Variants in SRRM3 observed in about 807,000 individuals in gnomAD.
SRRM3 encodes the protein serine/arginine repetitive matrix 3.
In SRRM3, 27 loss-of-function variants were observed where a neutral mutation model predicts 66.2. That is an observed-to-expected ratio of 0.41 (90% CI 0.30 to 0.56). The LOEUF (loss-of-function observed/expected upper bound fraction) is 0.56. Among genes scored for constraint, SRRM3 ranks in the 20% least tolerant of loss-of-function variants. The pLI is 0.32. For missense variants in SRRM3, 918 were observed against 991.9 expected (o/e 0.93, Z 1.00); for synonymous variants, 391 against 414.9 (o/e 0.94, Z 0.70).
chr7:76,237,749 A>T (rs571243755), intron 2 of SRRM3, among the ~76,000 whole-genome samples: 1 of 152,068 alleles, frequency 6.6e-6, no homozygotes, highest in South Asian at 2.1e-4. Flanking sequence ...CTCCTTGATG[A>T]ACCCATCCCC....
intron 2 of SRRM3, among the ~76,000 whole-genome samples, chr7:76,239,531 C>A (rs1554605350): frequency 6.6e-6 from 1 of 151,814 alleles, no homozygotes; most frequent in Non-Finnish European, 1.5e-5. Context: ...TGCCAATCCA[C>A]CTACAAAAAA....
intron 11 of SRRM3, among the ~76,000 whole-genome samples, chr7:76,271,523 A>T (rs1362861182): frequency 6.6e-6 from 1 of 152,052 alleles, no homozygotes; most frequent in Non-Finnish European, 1.5e-5. Flanking sequence ...ATACACCTGT[A>T]ATCCCAGCTA....
chr7:76,243,905 G>A (rs969260817), intron 2 of SRRM3, among the ~76,000 whole-genome samples: 1 of 152,186 alleles, frequency 6.6e-6, no homozygotes, highest in Non-Finnish European at 1.5e-5. Context: ...TGCTGGGGGG[G>A]TGGGGCACCA....
intron 1 of SRRM3, among the ~76,000 whole-genome samples, chr7:76,213,314 C>T (rs941062066): frequency 2.0e-5 from 3 of 152,048 alleles, no homozygotes; most frequent in African/African-American, 7.2e-5. Context: ...CCCGGCTTTA[C>T]ACCCCATTCA....
chr7:76,205,994 A>G lies in SRRM3; in HGVS notation c.-40+3927A>G, dbSNP rs116770401. Among the ~76,000 whole-genome samples, 1,271 of 152,186 alleles carry G rather than the reference A, an allele frequency of 8.4e-3. 25 individuals carry two copies. Among genetic ancestry groups the G allele is most frequent in the African/African-American group, 0.029 (1,194 of 41,538 alleles). ...ACAGGGCCTTCGTGGGTGGGGGGTC[A>G]TCTGGTCAAAACCCATTTTTTAAAT... On this transcript the variant is annotated intron_variant, in intron 1 of 14. Coordinates refer to ENST00000611745, the MANE Select transcript of SRRM3 (RefSeq NM_001110199.3).
At chr7:76,217,477 G>C (rs995928655) in intron 1 of SRRM3, among the ~76,000 whole-genome samples, 1 of 152,130 alleles carries the variant, frequency 6.6e-6, no homozygotes, top group Admixed American at 6.6e-5. Context: ...TAGAGACTGA[G>C]TTTCCCCATA....
intron 3 of SRRM3, 116 bp downstream of exon 3, chr7:76,248,405 G>A: frequency 1.5e-6 from 1 of 687,062 alleles, no homozygotes. Context: ...GTGAGGGGGT[G>A]GAGAGGAAGA....
In SRRM3 at chr7:76,282,626, C is replaced by A. The variant is rs1554612115; in HGVS notation, c.1371-22C>A. ...CCTTTCCGGGTCGCTGAGCCCTATC[C>A]CGCGCCGTCTCCCTCCTCCAGGGCC... On this transcript the variant is annotated intron_variant, in intron 12 of 14. Transcript: ENST00000611745. The A allele has an allele frequency of 3.6e-6, 5 of 1,396,182 alleles. No individual in the cohort carries two copies. In the Admixed American group the frequency reaches 8.7e-5, roughly 24 times the overall value. The allele number at this position is 1,396,182 out of a possible 1,614,324, so 86.5% of individuals were successfully genotyped here. A position where few individuals can be genotyped will look rare whatever the true frequency, so the allele number is the denominator to read the frequency against.
chr7:76,207,393 T>G (rs1230614614), intron 1 of SRRM3, among the ~76,000 whole-genome samples: 3 of 151,950 alleles, frequency 2.0e-5, no homozygotes, highest in Non-Finnish European at 4.4e-5. Context: ...AAGGAGAAAA[T>G]AGAAACTATC....
At chr7:76,247,192 C>T (rs139153228) in intron 2 of SRRM3, among the ~76,000 whole-genome samples, 2 of 152,152 alleles carry the variant, frequency 1.3e-5, no homozygotes, top group Non-Finnish European at 2.9e-5. Context: ...AGTAGATAAC[C>T]GGACTTTGGT....
intron 1 of SRRM3, among the ~76,000 whole-genome samples, chr7:76,229,158 A>T (rs782357322): frequency 2.0e-5 from 3 of 152,080 alleles, no homozygotes; most frequent in Non-Finnish European, 4.4e-5. Flanking sequence ...TTGTCCTCCC[A>T]AAATGCTGAG....
At chr7:76,256,198 G>A (rs910606749) in intron 3 of SRRM3, among the ~76,000 whole-genome samples, 1 of 152,100 alleles carries the variant, frequency 6.6e-6, no homozygotes, top group Non-Finnish European at 1.5e-5. Context: ...TATTAAGAGA[G>A]TAAAGGAACG....
At chr7:76,229,605 G>A (rs557345794) in intron 1 of SRRM3, among the ~76,000 whole-genome samples, 1 of 152,076 alleles carries the variant, frequency 6.6e-6, no homozygotes, top group Non-Finnish European at 1.5e-5. Flanking sequence ...TTGAGTCTGT[G>A]ATCATTGAAA....
intron 3 of SRRM3, among the ~76,000 whole-genome samples, chr7:76,259,534 A>C (rs10952876): frequency 0.11 from 16,649 of 150,964 alleles, 1,044 homozygotes; most frequent in Middle Eastern, 0.29. Context: ...CTATGATCCC[A>C]CCGCTGCAAC....
Position 76,235,019 on chromosome 7 carries a change from G to C in SRRM3, c.-39-9G>C. 1 of 1,475,732 alleles carries C rather than the reference G, an allele frequency of 6.8e-7. No homozygotes were observed. The highest frequency in any genetic ancestry group is 9.0e-7 in the Non-Finnish European group (1 of 1,106,128). 91.4% of individuals were successfully genotyped at this position (1,475,732 alleles called of 1,614,324 possible). ...ACCATCCCGCCTCGTGTCTGTGTCT[G>C]TCCCTCAGGGCCAGCGGCCCAGGCC... On this transcript the variant is annotated splice_polypyrimidine_tract_variant and intron_variant, in intron 1 of 14. Coordinates refer to ENST00000611745, the MANE Select transcript of SRRM3 (RefSeq NM_001110199.3).
chr7:76,278,137 G>C (rs1036676825), intron 11 of SRRM3, among the ~76,000 whole-genome samples: 1 of 152,268 alleles, frequency 6.6e-6, no homozygotes, highest in Non-Finnish European at 1.5e-5. Context: ...AGTGGGGGGA[G>C]TATGTGTTAG....
intron 10 of SRRM3, among the ~76,000 whole-genome samples, chr7:76,266,938 G>T (rs1447528392): frequency 6.6e-6 from 1 of 151,974 alleles, no homozygotes; most frequent in Admixed American, 6.6e-5. Context: ...CTCCCAAAGT[G>T]CTGGGATTAC....
At chr7:76,228,549 C>A (rs1166306311) in intron 1 of SRRM3, among the ~76,000 whole-genome samples, 1 of 151,898 alleles carries the variant, frequency 6.6e-6, no homozygotes, top group African/African-American at 2.4e-5. Flanking sequence ...ATAGTGAAAC[C>A]CTGTCTCTAC....
At chr7:76,249,566 TG>T (rs1343207805) in intron 3 of SRRM3, among the ~76,000 whole-genome samples, 5 of 152,156 alleles carry the variant, frequency 3.3e-5, no homozygotes, top group African/African-American at 1.2e-4. Flanking sequence ...ATACAAACAC[TG>T]GAGGAGGCTG....
Sources: allele counts gnomAD v4.1 joint callset (sites outside exome capture counted in the v4.1 genomes callset), GRCh38; gene constraint gnomAD v4.1.1; transcripts MANE v1.5; gene names NCBI Gene and HGNC (gene_info 2026-07-23, HGNC 2026-07-21).